The following ST8SIA1 variants were observed in gnomAD, a reference collection of about 807,000 sequenced individuals.
The protein encoded by ST8SIA1 is alpha-N-acetylneuraminide alpha-2,8-sialyltransferase.
In ST8SIA1, 16 loss-of-function variants were observed where a neutral mutation model predicts 35.9. The observed-to-expected ratio is 0.45, with a 90% confidence interval of 0.30 to 0.68. The LOEUF (loss-of-function observed/expected upper bound fraction) is 0.68, where lower values mean the gene tolerates loss of function less well. Among genes scored for constraint, ST8SIA1 ranks in the 30% least tolerant of loss-of-function variants. ST8SIA1 has a pLI of 0.09. For missense variants in ST8SIA1, 383 were observed against 453.6 expected (o/e 0.84, Z 1.41); for synonymous variants, 170 against 169.6 (o/e 1.00, Z -0.02).
chr12:22,322,993 T>C (rs900013696), intron 1 of ST8SIA1, among the ~76,000 whole-genome samples: 1 of 152,250 alleles, frequency 6.6e-6, no homozygotes, highest in African/African-American at 2.4e-5. Context: ...CACAGTTTTA[T>C]TTAATTGCTT....
chr12:22,331,386 T>A (rs905819492), intron 1 of ST8SIA1, among the ~76,000 whole-genome samples: 1 of 152,230 alleles, frequency 6.6e-6, no homozygotes, highest in Non-Finnish European at 1.5e-5. Flanking sequence ...ATTGACTGAT[T>A]GCAAATGTTT....
chr12:22,314,496 TA>T (rs1250864756), intron 1 of ST8SIA1, among the ~76,000 whole-genome samples: 1 of 152,000 alleles, frequency 6.6e-6, no homozygotes, highest in African/African-American at 2.4e-5. Context: ...TCTAACAATT[TA>T]AAGAAAAATT....
chr12:22,302,479 C>T (rs1258751176), intron 1 of ST8SIA1, among the ~76,000 whole-genome samples: 1 of 152,162 alleles, frequency 6.6e-6, no homozygotes, highest in Non-Finnish European at 1.5e-5. Flanking sequence ...CCTTCCTCCC[C>T]TATTTTCTCT....
rs1437121859 is a variant in ST8SIA1, at chr12:22,199,446, C to T, written c.*2106G>A. The T allele has an allele frequency of 1.3e-5, 2 of 151,978 alleles. No individual in the cohort carries two copies. Among genetic ancestry groups the T allele is most frequent in the Non-Finnish European group, 2.9e-5 (2 of 68,000 alleles). The allele number at this position is 151,978 out of a possible 1,614,324, so 9.4% of individuals were successfully genotyped here. On this transcript the variant is annotated 3_prime_UTR_variant, in exon 5 of 5. Transcript: ENST00000396037. Reference sequence around the variant, plus strand: ...AAATGTATTCTTTTTTAGGTAACTGCTAAATAACAGTAGCTCAAAAGAGGA... The same window carrying T: ...AAATGTATTCTTTTTTAGGTAACTGTTAAATAACAGTAGCTCAAAAGAGGA...
chr12:22,306,740 A>C (rs766980230), intron 1 of ST8SIA1, among the ~76,000 whole-genome samples: 4 of 152,210 alleles, frequency 2.6e-5, no homozygotes, highest in Non-Finnish European at 4.4e-5. Context: ...ACCAGAAAAC[A>C]GGTCCTTCAG....
At chr12:22,325,764 C>A (rs4762905) in intron 1 of ST8SIA1, 383,275 of 649,814 alleles carry the variant, frequency 0.59, 117,685 homozygotes, top group East Asian at 0.89. Context: ...ACAATAATAA[C>A]TAATAATAAA....
chr12:22,253,610 C>T (rs917143799), intron 3 of ST8SIA1, among the ~76,000 whole-genome samples: 2 of 152,184 alleles, frequency 1.3e-5, no homozygotes, highest in East Asian at 1.9e-4. Context: ...AATTGTTCAA[C>T]GCACCATTCC....
intron 1 of ST8SIA1, among the ~76,000 whole-genome samples, chr12:22,317,097 T>G (rs1343461296): frequency 6.6e-6 from 1 of 152,102 alleles, no homozygotes; most frequent in Non-Finnish European, 1.5e-5. Context: ...CAAGGATTTT[T>G]AAGGCATTTT....
rs184171181 is a variant in ST8SIA1, at chr12:22,204,237, C to T, written c.585-2199G>A. 7.9e-4 allele frequency among the ~76,000 whole-genome samples: 120 copies of T among 152,044 alleles called. 1 individual carries two copies. Among genetic ancestry groups the T allele is most frequent in the East Asian group, 7.7e-3 (40 of 5,164 alleles). ...AATTATTTCCTCTGTCTTCTAAATACGGTTAGAACTTTCCCCTTCAACGCT... is the reference window on the plus strand; with the variant it reads ...AATTATTTCCTCTGTCTTCTAAATATGGTTAGAACTTTCCCCTTCAACGCT... On this transcript the variant is annotated intron_variant, in intron 4 of 4. Transcript: ENST00000396037.
intron 2 of ST8SIA1, among the ~76,000 whole-genome samples, chr12:22,281,030 C>G (rs1789763100): frequency 6.6e-6 from 1 of 152,168 alleles, no homozygotes; most frequent in Non-Finnish European, 1.5e-5. Context: ...TTTCTTTTCA[C>G]TGTCCTGTAA....
At chr12:22,253,518 C>T (rs1009795002) in intron 3 of ST8SIA1, among the ~76,000 whole-genome samples, 1 of 152,162 alleles carries the variant, frequency 6.6e-6, no homozygotes, top group Non-Finnish European at 1.5e-5. Context: ...TCAGCTCACA[C>T]GCCACTTCTC....
chr12:22,265,894 A>G (rs1865842357), intron 2 of ST8SIA1, among the ~76,000 whole-genome samples: 1 of 152,082 alleles, frequency 6.6e-6, no homozygotes, highest in African/African-American at 2.4e-5. Flanking sequence ...TTCTAATAAA[A>G]AAAAAAGTAC....
chr12:22,290,969 G>T (rs1003480679), intron 1 of ST8SIA1, among the ~76,000 whole-genome samples: 4 of 152,128 alleles, frequency 2.6e-5, no homozygotes, highest in African/African-American at 9.7e-5. Flanking sequence ...TGTGAGTTGA[G>T]TACTGGAATT....
intron 2 of ST8SIA1, among the ~76,000 whole-genome samples, chr12:22,277,279 A>C (rs1430007089): frequency 6.6e-6 from 1 of 151,910 alleles, no homozygotes; most frequent in African/African-American, 2.4e-5. Context: ...GAGTTAAGAG[A>C]TGTCACACAC....
At chr12:22,227,263 T>G (rs1162325130) in intron 4 of ST8SIA1, among the ~76,000 whole-genome samples, 1 of 151,968 alleles carries the variant, frequency 6.6e-6, no homozygotes, top group African/African-American at 2.4e-5. Flanking sequence ...AGTCTTTAAG[T>G]CACATTTTCT....
At chr12:22,242,392 G>T (rs1372589399) in intron 4 of ST8SIA1, among the ~76,000 whole-genome samples, 1 of 152,152 alleles carries the variant, frequency 6.6e-6, no homozygotes, top group Non-Finnish European at 1.5e-5. Flanking sequence ...CAAAGAGACT[G>T]ATTTTGCCAA....
At chr12:22,216,928 G>A (rs572847994) in intron 4 of ST8SIA1, among the ~76,000 whole-genome samples, 4 of 152,114 alleles carry the variant, frequency 2.6e-5, no homozygotes, top group Non-Finnish European at 5.9e-5. Flanking sequence ...CATTTGTCAT[G>A]CAACATTTTC....
Position 22,263,356 on chromosome 12 carries a change from A to G in ST8SIA1, c.382-7967T>C, listed in dbSNP as rs141068364. On this transcript the variant is annotated intron_variant, in intron 2 of 4. Coordinates refer to ENST00000396037, the MANE Select transcript of ST8SIA1 (RefSeq NM_003034.4). ...TAATTTTTCACCTACTTTGCTTGTG[A>G]TCATTCTTCTCCTGGCTCCCTTCTG... 3.0e-4 allele frequency among the ~76,000 whole-genome samples: 46 copies of G among 152,212 alleles called. No homozygotes were observed. The East Asian group carries it at 8.5e-3, about 28-fold the overall frequency.
At chr12:22,295,890 A>T (rs1339627185) in intron 1 of ST8SIA1, among the ~76,000 whole-genome samples, 1 of 152,194 alleles carries the variant, frequency 6.6e-6, no homozygotes, top group African/African-American at 2.4e-5. Flanking sequence ...ACTCCCCATC[A>T]AAGAATGTTT....
Sources: allele counts gnomAD v4.1 joint callset (sites outside exome capture counted in the v4.1 genomes callset), GRCh38; gene constraint gnomAD v4.1.1; transcripts MANE v1.5; gene names NCBI Gene and HGNC (gene_info 2026-07-23, HGNC 2026-07-21).